Variants in CDH7 observed in about 807,000 individuals in gnomAD.
CDH7 encodes the protein cadherin 7, also known as cadherin-7.
Under a neutral mutation model 71.8 loss-of-function variants are expected in CDH7, and 25 were observed. That is an observed-to-expected ratio of 0.35 (90% CI 0.25 to 0.49). The LOEUF is 0.49. Ranked by LOEUF, CDH7 falls within the 20% of genes least tolerant of loss-of-function variation. CDH7 has a pLI of 0.99. For synonymous variants in CDH7, 381 were observed against 363.8 expected (o/e 1.05, Z -0.54); for missense variants, 862 against 974.6 (o/e 0.88, Z 1.54).
chr18:65,875,182 T>C (rs371938116), intron 11 of CDH7, among the ~76,000 whole-genome samples: 1 of 152,218 alleles, frequency 6.6e-6, no homozygotes, highest in Admixed American at 6.5e-5. Flanking sequence ...ACACCCCTGC[T>C]GTAGAGCAAA....
rs71167149 is a variant in CDH7 at position 65,792,185 on chromosome 18, CTTTTTTTTTTTT to C, written c.211-17504_211-17493del. Among the ~76,000 whole-genome samples, 165 of 104,104 alleles carry C rather than the reference CTTTTTTTTTTTT, an allele frequency of 1.6e-3. 1 individual carries two copies. The highest frequency in any genetic ancestry group is 2.6e-3 in the Non-Finnish European group (133 of 51,130). The allele number at this position is 104,104 out of a possible 152,430, so 68.3% of individuals were successfully genotyped here. On this transcript the variant is annotated intron_variant, in intron 2 of 11. Transcript: ENST00000397968. ...CCCCAGAATGTCTGCTGCAGCCAGT[CTTTTTTTTTTTT>C]TTTTTTTTTTTTTTAAGACTGACAA...
intron 6 of CDH7, 53 bp downstream of exon 6, chr18:65,824,884 G>C (rs2143943504): frequency 7.9e-7 from 1 of 1,271,120 alleles, no homozygotes; most frequent in Admixed American, 2.0e-5. Context: ...AGTCCTTTCT[G>C]TTTGATGGGA....
At chr18:65,851,955 T>C (rs1913165392) in intron 7 of CDH7, among the ~76,000 whole-genome samples, 3 of 152,118 alleles carry the variant, frequency 2.0e-5, no homozygotes, top group Admixed American at 2.0e-4. Context: ...TCTGATGTAA[T>C]TGGAAAGGCA....
At chr18:65,843,299 C>T (rs898554832) in intron 6 of CDH7, among the ~76,000 whole-genome samples, 13 of 152,080 alleles carry the variant, frequency 8.5e-5, no homozygotes, top group African/African-American at 3.1e-4. Context: ...GCCATGTTTG[C>T]AGATTGAACA....
At position 65,885,387 on chromosome 18, in the gene CDH7, T is replaced by C. The variant is rs1914348230; in HGVS notation, c.*4493T>C. On this transcript the variant is annotated 3_prime_UTR_variant, in exon 12 of 12. Coordinates refer to ENST00000397968, the MANE Select transcript of CDH7 (RefSeq NM_004361.5). ...GTGTGCCTGTGTTTTTTTTTTTTTT[T>C]TTTTTTTTGACGTGGAGTCTCGCTC... 1 of 124,456 alleles carries C rather than the reference T, an allele frequency of 8.0e-6. No individual in the cohort carries two copies. Among genetic ancestry groups the C allele is most frequent in the Non-Finnish European group, 1.7e-5 (1 of 58,318 alleles). 7.7% of individuals were successfully genotyped at this position (124,456 alleles called of 1,614,324 possible).
At chr18:65,876,273 A>G (rs1398814702) in intron 11 of CDH7, among the ~76,000 whole-genome samples, 2 of 152,222 alleles carry the variant, frequency 1.3e-5, no homozygotes, top group Non-Finnish European at 2.9e-5. Context: ...ACTGAATTCC[A>G]AAATCAGAAA....
chr18:65,856,554 A>G (rs931204298), intron 7 of CDH7, among the ~76,000 whole-genome samples: 1 of 152,106 alleles, frequency 6.6e-6, no homozygotes, highest in Admixed American at 6.6e-5. Context: ...AGTCAAGGGT[A>G]TGTTCATAAG....
At chr18:65,822,611 T>C (rs1442529148) in intron 5 of CDH7, among the ~76,000 whole-genome samples, 1 of 152,080 alleles carries the variant, frequency 6.6e-6, no homozygotes, top group Non-Finnish European at 1.5e-5. Flanking sequence ...ATTAATAATA[T>C]TCAAATACAT....
chr18:65,804,420 T>C (rs1253848351), intron 2 of CDH7, among the ~76,000 whole-genome samples: 2 of 152,144 alleles, frequency 1.3e-5, no homozygotes, highest in East Asian at 3.9e-4. Context: ...ATATATTGAA[T>C]TGATTGTTTT....
chr18:65,756,215 C>G (rs907832331), intron 1 of CDH7, among the ~76,000 whole-genome samples: 2 of 152,118 alleles, frequency 1.3e-5, no homozygotes, highest in Non-Finnish European at 2.9e-5. Flanking sequence ...AATAGCTCAA[C>G]AATATTTTTT....
At chr18:65,781,966 C>CTCTTTCTT (rs1261365353) in intron 2 of CDH7, among the ~76,000 whole-genome samples, 4 of 37,252 alleles carry the variant, frequency 1.1e-4, no homozygotes, top group Non-Finnish European at 1.8e-4. Context: ...CTCTCTTTCT[C>CTCTTTCTT]TCTCTCTCTC....
intron 2 of CDH7, among the ~76,000 whole-genome samples, chr18:65,780,532 G>A (rs1033455886): frequency 2.2e-5 from 3 of 138,496 alleles, no homozygotes; most frequent in African/African-American, 8.4e-5. Context: ...TGGCTAGCCA[G>A]TTTTCCCAGC....
intron 2 of CDH7, among the ~76,000 whole-genome samples, chr18:65,765,990 T>A (rs545653448): frequency 1.3e-5 from 2 of 152,136 alleles, no homozygotes; most frequent in Non-Finnish European, 2.9e-5. Context: ...ACATATTAAT[T>A]ATAAATTAAC....
At chr18:65,768,893 A>G (rs1244716117) in intron 2 of CDH7, among the ~76,000 whole-genome samples, 1 of 152,104 alleles carries the variant, frequency 6.6e-6, no homozygotes, top group Non-Finnish European at 1.5e-5. Context: ...TCTCTTTTGT[A>G]TGCTGCTAAA....
chr18:65,843,718 C>T, intron 6 of CDH7, 94 bp from the exon 7 acceptor site: 1 of 1,140,920 alleles, frequency 8.8e-7, no homozygotes, highest in Non-Finnish European at 1.2e-6. Flanking sequence ...ATGACAGAGT[C>T]CTTCCTAAGC....
At chr18:65,790,636 A>G (rs1179308145) in intron 2 of CDH7, among the ~76,000 whole-genome samples, 1 of 152,192 alleles carries the variant, frequency 6.6e-6, no homozygotes, top group Non-Finnish European at 1.5e-5. Flanking sequence ...TGGGAGGCCA[A>G]GGCGGGAGGA....
intron 10 of CDH7, among the ~76,000 whole-genome samples, chr18:65,860,941 G>T (rs1051724862): frequency 6.6e-6 from 1 of 152,052 alleles, no homozygotes; most frequent in Non-Finnish European, 1.5e-5. Flanking sequence ...TCTCTACCTG[G>T]GTAACTCCAG....
At chr18:65,781,851 T>TC (rs1910236741) in intron 2 of CDH7, among the ~76,000 whole-genome samples, 1 of 92,222 alleles carries the variant, frequency 1.1e-5, no homozygotes, top group Non-Finnish European at 2.0e-5. Flanking sequence ...TCTTTCTTTC[T>TC]TTCTTTCTTT....
chr18:65,780,853 GC>G (rs1910155132), intron 2 of CDH7, among the ~76,000 whole-genome samples: 1 of 151,356 alleles, frequency 6.6e-6, no homozygotes, highest in Admixed American at 6.6e-5. Flanking sequence ...GTTGCCCACT[GC>G]AGAGATAGAA....
Sources: allele counts gnomAD v4.1 joint callset (sites outside exome capture counted in the v4.1 genomes callset), GRCh38; gene constraint gnomAD v4.1.1; transcripts MANE v1.5; gene names NCBI Gene and HGNC (gene_info 2026-07-23, HGNC 2026-07-21).